IL10RB: variants seen among roughly 807,000 people sequenced by gnomAD.
IL10RB encodes interleukin-10 receptor subunit beta.
Under a neutral mutation model 38.7 loss-of-function variants are expected in IL10RB, and 30 were observed. That is an observed-to-expected ratio of 0.78 (90% CI 0.58 to 1.05). IL10RB has a LOEUF of 1.05. IL10RB is among the 50% of genes least tolerant of loss of function. The probability of loss-of-function intolerance (pLI) is 0.00; values close to 1 mark genes in which losing one functional copy is unlikely to be tolerated. For missense variants in IL10RB, 328 were observed against 397.1 expected (o/e 0.83, Z 1.48); for synonymous variants, 142 against 145.9 (o/e 0.97, Z 0.19).
At chr21:33,272,969 T>C (rs1229670613) in intron 2 of IL10RB, among the ~76,000 whole-genome samples, 1 of 152,226 alleles carries the variant, frequency 6.6e-6, no homozygotes, top group Non-Finnish European at 1.5e-5. Context: ...ATGAATTGTT[T>C]TATAATTTTT....
intron 5 of IL10RB, 124 bp downstream of exon 5, chr21:33,283,365 C>T: frequency 1.0e-6 from 1 of 1,002,672 alleles, no homozygotes; most frequent in Non-Finnish European, 1.5e-6. Flanking sequence ...GACATTATCT[C>T]TCAGCCCTGA....
At chr21:33,278,961 C>T (rs976000318) in intron 3 of IL10RB, among the ~76,000 whole-genome samples, 18 of 152,312 alleles carry the variant, frequency 1.2e-4, no homozygotes, top group African/African-American at 1.7e-4. Flanking sequence ...TTATTGAGTA[C>T]ATCTGTGTAA....
chr21:33,299,453 A>G (rs2082980278), downstream of IL10RB, among the ~76,000 whole-genome samples: 1 of 152,232 alleles, frequency 6.6e-6, no homozygotes, highest in Non-Finnish European at 1.5e-5. Flanking sequence ...AGGGGAAGAC[A>G]GTGTAAGCCA....
chr21:33,267,878 T>G (rs1169747983), intron 1 of IL10RB: 2 of 200,806 alleles, frequency 1.0e-5, no homozygotes, highest in Non-Finnish European at 2.1e-5. Context: ...ACATCTCTTC[T>G]TGGTGTGACC....
rs387907326 is a variant in IL10RB, at chr21:33,279,841, G to A, written c.421G>A (p.Glu141Lys). 9.9e-6 allele frequency: 16 copies of A among 1,613,368 alleles called. No homozygotes were observed. The highest frequency in any genetic ancestry group is 1.6e-4 in the Middle Eastern group (1 of 6,062). The change falls in exon 4 of 7, where the codon GAA becomes AAA. Residue 141 changes from glutamate (E) to lysine (K), a missense_variant. Transcript: ENST00000290200. ...FLAPKIENEY[E>K]TWTMKNVYNS... ...AGCCCCTAAAATTGAGAATGAATAC[G>A]AAACTTGGACTATGAAGAATGTGTA...
chr21:33,289,040 A>G (rs1049687828), intron 6 of IL10RB, among the ~76,000 whole-genome samples: 4 of 152,214 alleles, frequency 2.6e-5, no homozygotes. Flanking sequence ...CACAGCCACA[A>G]CAGAGGCCTC....
At position 33,269,852 on chromosome 21, in the gene IL10RB, G is replaced by C. The variant is rs8178455; in HGVS notation, c.173+1335G>C. On this transcript the variant is annotated intron_variant, in intron 2 of 6. Transcript: ENST00000290200. ...TTTTTGTATTTTTAGTAGAGACGGG[G>C]TTTCACCGTGTTAGCCAGGATGGTC... Among the ~76,000 whole-genome samples, 889 of 152,128 alleles carry C rather than the reference G, an allele frequency of 5.8e-3. 12 individuals carry two copies. Among genetic ancestry groups the C allele is most frequent in the African/African-American group, 0.021 (851 of 41,494 alleles).
chr21:33,296,355 T>C lies in IL10RB; in HGVS notation c.976T>C (p.Ter326GlnextTer22). Reference sequence around the variant, plus strand: ...CCCGCCTGGGCAGGGGCCCCAAAGCTAGGCTCTGAGAAGGAAACACACTCG... The same window carrying C: ...CCCGCCTGGGCAGGGGCCCCAAAGCCAGGCTCTGAGAAGGAAACACACTCG... Reference protein sequence around the residue: ...GTPPGQGPQS* With the variant: ...GTPPGQGPQSQ Residue 326 changes from the stop codon to glutamine, a stop_lost, in exon 7 of 7, where the codon TAG becomes CAG. Transcript: ENST00000290200. The C allele has an allele frequency of 6.2e-7, 1 of 1,613,196 alleles. No homozygotes were observed.
intron 2 of IL10RB, among the ~76,000 whole-genome samples, chr21:33,274,859 C>T (rs1989141521): frequency 6.6e-6 from 1 of 152,162 alleles, no homozygotes; most frequent in Non-Finnish European, 1.5e-5. Context: ...CTACATTAGC[C>T]CTTAACAAGA....
Position 33,279,767 on chromosome 21 carries a change from CT to C in IL10RB, c.348del (p.Gly117GlufsTer4). The C allele has an allele frequency of 6.2e-7, 1 of 1,613,916 alleles. No homozygotes were observed. Among genetic ancestry groups the C allele is most frequent in the African/African-American group, 1.3e-5 (1 of 75,042 alleles). On this transcript the variant is annotated frameshift_variant, in exon 4 of 7. Transcript: ENST00000290200. LOFTEE classifies it high-confidence loss of function. The part of the protein sequence containing the change: ...CPVDDTIIGP[P>X]GMQVEVLADS... ...TTCTGCTTAGCCATTATTGGACCCC[CT>C]GGAATGCAAGTAGAAGTACTTGCTG...
intron 2 of IL10RB, among the ~76,000 whole-genome samples, chr21:33,275,826 T>C (rs939393511): frequency 6.6e-6 from 1 of 152,162 alleles, no homozygotes. Flanking sequence ...GGACAGTGGG[T>C]GGAGAAGTCA....
At chr21:33,290,365 G>C (rs1989461814) in intron 6 of IL10RB, among the ~76,000 whole-genome samples, 1 of 152,088 alleles carries the variant, frequency 6.6e-6, no homozygotes, top group African/African-American at 2.4e-5. Flanking sequence ...AAATTATGTA[G>C]TCACTTATAT....
chr21:33,282,544 T>A (rs1989298478), intron 4 of IL10RB, among the ~76,000 whole-genome samples: 1 of 151,764 alleles, frequency 6.6e-6, no homozygotes, highest in Non-Finnish European at 1.5e-5. Flanking sequence ...TCAAAAAAAA[T>A]AATAATTAAA....
intron 6 of IL10RB, among the ~76,000 whole-genome samples, chr21:33,288,784 T>C (rs1379785321): frequency 1.3e-5 from 2 of 152,146 alleles, no homozygotes; most frequent in East Asian, 1.9e-4. Flanking sequence ...GAAGAAACAA[T>C]GCACCTGACT....
chr21:33,279,698 T>A (rs910071090), intron 3 of IL10RB, 54 bp from the exon 4 acceptor site: 4 of 1,497,826 alleles, frequency 2.7e-6, no homozygotes, highest in Non-Finnish European at 3.7e-6. Flanking sequence ...AAATTAATGT[T>A]GAAGTTTTTA....
intron 2 of IL10RB, among the ~76,000 whole-genome samples, chr21:33,272,796 G>A (rs967895861): frequency 1.3e-5 from 2 of 152,148 alleles, no homozygotes; most frequent in African/African-American, 2.4e-5. Flanking sequence ...TGATCACGTG[G>A]AGCCAATTAC....
Position 33,266,418 on chromosome 21 carries a change from CG to C in IL10RB, c.-43del, listed in dbSNP as rs1568900963. On this transcript the variant is annotated 5_prime_UTR_variant, in exon 1 of 7. Transcript: ENST00000290200. Reference sequence around the variant, plus strand: ...GCGGACAAGCTCTCCCGGGCGCGGGCGGGGGTCGTGTGCTTGGAGGAAGCCG... The same window carrying C: ...GCGGACAAGCTCTCCCGGGCGCGGGCGGGGTCGTGTGCTTGGAGGAAGCCG... 9.1e-6 allele frequency: 14 copies of C among 1,532,678 alleles called. No homozygotes were observed. The South Asian group carries it at 1.3e-4, about 14-fold the overall frequency. 94.9% of individuals were successfully genotyped at this position (1,532,678 alleles called of 1,614,324 possible).
intron 2 of IL10RB, among the ~76,000 whole-genome samples, chr21:33,271,245 G>A (rs1028155709): frequency 8.5e-5 from 13 of 152,186 alleles, no homozygotes; most frequent in Non-Finnish European, 1.6e-4. Context: ...AGTTTAGCAT[G>A]AGCAATTGCA....
intron 2 of IL10RB, among the ~76,000 whole-genome samples, chr21:33,270,822 ATGCCACCG>A (rs1272919580): frequency 6.6e-6 from 1 of 151,904 alleles, no homozygotes; most frequent in Non-Finnish European, 1.5e-5. Context: ...CTACAAGCAC[ATGCCACCG>A]TGCCCAACTG....
Sources: gnomAD v4.1 joint callset for allele counts (sites outside exome capture counted in the v4.1 genomes callset) on GRCh38, gnomAD v4.1.1 for gene constraint, MANE v1.5 for transcripts, NCBI Gene and HGNC (gene_info 2026-07-23, HGNC 2026-07-21) for gene names.